The following ATP6V1E1 variants were observed in gnomAD, a reference collection of about 807,000 sequenced individuals.
ATP6V1E1 encodes the protein V-type proton ATPase subunit E 1.
ATP6V1E1 carries 21 observed loss-of-function variants against 35.2 expected under a neutral mutation model. The ratio of observed to expected loss-of-function variants is 0.60; its 90% confidence interval spans 0.42 to 0.86. The LOEUF is 0.86. Ranked by LOEUF, ATP6V1E1 falls within the 40% of genes least tolerant of loss-of-function variation. The pLI, the probability that ATP6V1E1 is intolerant of heterozygous loss-of-function variation, is 0.00. For missense variants in ATP6V1E1, 183 were observed against 272.6 expected (o/e 0.67, Z 2.32); for synonymous variants, 83 against 87.8 (o/e 0.95, Z 0.30).
chr22:17,605,259 G>A (rs1416332033), intron 4 of ATP6V1E1, among the ~76,000 whole-genome samples: 2 of 149,950 alleles, frequency 1.3e-5, no homozygotes, highest in African/African-American at 2.5e-5. Flanking sequence ...GGCTAGGCAT[G>A]GTGGCTCACG....
At chr22:17,613,844 G>T (rs5746442) in intron 2 of ATP6V1E1, among the ~76,000 whole-genome samples, 52,697 of 151,858 alleles carry the variant, frequency 0.35, 9,440 homozygotes, top group African/African-American at 0.41. Context: ...GCAGGCGCCT[G>T]TAGTCCCAGC....
At chr22:17,599,966 AGGGGAAGGAAGAAAGGGAGG>A (rs1555957050) in intron 6 of ATP6V1E1, 41 bp downstream of exon 6, 4 of 1,072,150 alleles carry the variant, frequency 3.7e-6, no homozygotes, top group Non-Finnish European at 5.2e-6. Flanking sequence ...AGAAAGAGAG[AGGGGAAGGAAGAAAGGGAGG>A]GGGGAGGGAG....
rs200743259 is a variant in ATP6V1E1, at chr22:17,614,667, TA to T, written c.100-1348del. Among the ~76,000 whole-genome samples the T allele has an allele frequency of 5.0e-3, 656 of 130,656 alleles. 1 individual carries two copies. Among genetic ancestry groups the T allele is most frequent in the East Asian group, 0.014 (58 of 4,168 alleles). The allele number at this position is 130,656 out of a possible 152,430, so 85.7% of individuals were successfully genotyped here. A position where few individuals can be genotyped will look rare whatever the true frequency, so the allele number is the denominator to read the frequency against. ...AGCCTGGGCAACAAAAGCGAACTCTTAAAAAAAAAAAAAAAAGTTGCCTGGG... is the reference window on the plus strand; with the variant it reads ...AGCCTGGGCAACAAAAGCGAACTCTTAAAAAAAAAAAAAAAGTTGCCTGGG... On this transcript the variant is annotated intron_variant, in intron 2 of 8. Transcript: ENST00000253413.
chr22:17,613,124 C>T, intron 3 of ATP6V1E1, 87 bp downstream of exon 3: 4 of 1,182,210 alleles, frequency 3.4e-6, no homozygotes, highest in Admixed American at 2.4e-5. Context: ...GAGTTAAGAC[C>T]TGAATTTATA....
At chr22:17,622,838 A>G (rs2057884799) in intron 1 of ATP6V1E1, among the ~76,000 whole-genome samples, 1 of 151,940 alleles carries the variant, frequency 6.6e-6, no homozygotes, top group South Asian at 2.1e-4. Context: ...GTGGTGGTGC[A>G]TGCCTGTAAT....
chr22:17,599,192 T>C (rs750797343), intron 6 of ATP6V1E1, among the ~76,000 whole-genome samples: 66 of 151,802 alleles, frequency 4.3e-4, no homozygotes, highest in Non-Finnish European at 2.1e-4. Context: ...GTTCTGAAGA[T>C]GGATGGTGGT....
At chr22:17,620,432 C>G (rs2057870257) in intron 1 of ATP6V1E1, among the ~76,000 whole-genome samples, 2 of 151,908 alleles carry the variant, frequency 1.3e-5, no homozygotes, top group Non-Finnish European at 1.5e-5. Flanking sequence ...CAGACGTGAG[C>G]CACCGCGCAC....
At chr22:17,625,632 G>A (rs1325113757) in intron 1 of ATP6V1E1, among the ~76,000 whole-genome samples, 2 of 152,128 alleles carry the variant, frequency 1.3e-5, no homozygotes, top group Non-Finnish European at 2.9e-5. Flanking sequence ...GCTTTAGTAA[G>A]AGAATTTTCC....
chr22:17,628,655 C>T lies in ATP6V1E1; in HGVS notation c.-20G>A, dbSNP rs370201818. On this transcript the variant is annotated 5_prime_UTR_variant, in exon 1 of 9. Transcript: ENST00000253413. ...AGCCATGGCGAGAGCAATGCTAGGC[C>T]GGTGAACAGTAGGCTCGAGTTTAGG... 6.2e-7 allele frequency: 1 copy of T among 1,614,024 alleles called. No individual in the cohort carries two copies. Among genetic ancestry groups the T allele is most frequent in the African/African-American group, 1.3e-5 (1 of 74,942 alleles).
At chr22:17,598,330 T>G in intron 6 of ATP6V1E1, 42 bp from the exon 7 acceptor site, 1 of 1,488,746 alleles carries the variant, frequency 6.7e-7, no homozygotes, top group Non-Finnish European at 9.4e-7. Context: ...CTAGGAACTA[T>G]GAAGCAAGTA....
chr22:17,597,705 G>A (rs568210845), intron 7 of ATP6V1E1, among the ~76,000 whole-genome samples: 4 of 151,932 alleles, frequency 2.6e-5, no homozygotes, highest in African/African-American at 7.3e-5. Flanking sequence ...TTCTTGGCTC[G>A]CTACAACCTC....
intron 4 of ATP6V1E1, among the ~76,000 whole-genome samples, chr22:17,605,760 C>T (rs561864172): frequency 3.3e-4 from 46 of 138,922 alleles, no homozygotes; most frequent in Non-Finnish European, 6.2e-4. Context: ...TACAGTGGCA[C>T]AATCATAGCT....
chr22:17,621,262 A>G (rs957739548), intron 1 of ATP6V1E1, among the ~76,000 whole-genome samples: 4 of 151,626 alleles, frequency 2.6e-5, no homozygotes, highest in African/African-American at 9.7e-5. Context: ...ATCATGTAAC[A>G]CTCTACCCCC....
intron 1 of ATP6V1E1, among the ~76,000 whole-genome samples, chr22:17,622,639 T>TA (rs1182044226): frequency 6.6e-6 from 1 of 151,848 alleles, no homozygotes; most frequent in East Asian, 1.9e-4. Context: ...TCTCAGAACT[T>TA]AAAGTATAAT....
intron 1 of ATP6V1E1, 60 bp downstream of exon 1, chr22:17,628,543 C>T: frequency 6.2e-7 from 1 of 1,611,920 alleles, no homozygotes; most frequent in East Asian, 2.2e-5. Context: ...CCTAGGCGGG[C>T]TCCAGCCCAC....
chr22:17,622,665 AAG>A (rs2057883762), intron 1 of ATP6V1E1, among the ~76,000 whole-genome samples: 1 of 152,126 alleles, frequency 6.6e-6, no homozygotes, highest in African/African-American at 2.4e-5. Context: ...AAAAAAAAGA[AAG>A]AAAAGAAAAC....
intron 4 of ATP6V1E1, among the ~76,000 whole-genome samples, chr22:17,609,480 T>TG (rs2057804102): frequency 8.7e-6 from 1 of 114,702 alleles, no homozygotes; most frequent in South Asian, 2.8e-4. Flanking sequence ...TTTTTTTTTT[T>TG]TTTTTTGAGA....
intron 5 of ATP6V1E1, 155 bp downstream of exon 5, chr22:17,600,937 G>A: frequency 1.7e-6 from 1 of 585,356 alleles, no homozygotes; most frequent in Admixed American, 3.2e-5. Context: ...ATATGGTCAA[G>A]AGTGAAAGTA....
chr22:17,606,796 G>C (rs538652946), intron 4 of ATP6V1E1, among the ~76,000 whole-genome samples: 3 of 152,152 alleles, frequency 2.0e-5, no homozygotes, highest in Non-Finnish European at 4.4e-5. Context: ...ACGACATCTT[G>C]ACTGCCAAAT....
Sources: gnomAD v4.1 joint callset for allele counts (sites outside exome capture counted in the v4.1 genomes callset) on GRCh38, gnomAD v4.1.1 for gene constraint, MANE v1.5 for transcripts, NCBI Gene and HGNC (gene_info 2026-07-23, HGNC 2026-07-21) for gene names.